CNTNAP3: variants seen among roughly 807,000 people sequenced by gnomAD.
CNTNAP3 encodes contactin associated protein family member 3, also known as contactin-associated protein-like 3.
Under a neutral mutation model 92.1 loss-of-function variants are expected in CNTNAP3, and 36 were observed. The ratio of observed to expected loss-of-function variants is 0.39; its 90% CI spans 0.30 to 0.52. CNTNAP3 has a LOEUF of 0.52. CNTNAP3 is among the 20% of genes least tolerant of loss of function. The probability of loss-of-function intolerance (pLI) is 0.76; values close to 1 mark genes in which losing one functional copy is unlikely to be tolerated. For missense variants in CNTNAP3, 534 were observed against 1,069.6 expected (o/e 0.50, Z 6.98); for synonymous variants, 232 against 422.3 (o/e 0.55, Z 5.53).
intron 4 of CNTNAP3, among the ~76,000 whole-genome samples, chr9:39,184,075 G>A (rs1488926087): frequency 1.4e-5 from 2 of 145,020 alleles, no homozygotes; most frequent in African/African-American, 2.8e-5. Context: ...TGAAATACAC[G>A]CATGCTGTTG....
chr9:39,068,321 C>A lies in CNTNAP3; in HGVS notation c.*5569G>T, dbSNP rs1176268998. Among the ~76,000 whole-genome samples the A allele has an allele frequency of 6.6e-6, 1 of 152,274 alleles. No individual in the cohort carries two copies. The highest frequency in any genetic ancestry group is 2.4e-5 in the African/African-American group (1 of 41,480). The stretch of plus-strand genomic sequence containing the variant: ...GTCCCAGCTACTCGGGAGGCTGAGG[C>A]AGGAGAATGGCATGAACCCTGGAGG... On this transcript the variant is annotated 3_prime_UTR_variant, in exon 24 of 24. Transcript: ENST00000297668.
At chr9:39,280,232 GAC>G (rs1456244896) in intron 1 of CNTNAP3, among the ~76,000 whole-genome samples, 3 of 92,788 alleles carry the variant, frequency 3.2e-5, no homozygotes, top group Non-Finnish European at 7.1e-5. Context: ...CCAGCTCAAT[GAC>G]ACCCCCTTTT....
Position 39,140,436 on chromosome 9 carries a change from C to G in CNTNAP3, c.1876+83G>C. On this transcript the variant is annotated intron_variant, in intron 12 of 23. Transcript: ENST00000297668. ...TACTTAGCAAGTACACACTATCAAA[C>G]TGCATGTTTTAATAATGCTGCCAAC... The G allele has an allele frequency of 1.9e-6, 3 of 1,562,774 alleles. No homozygotes were observed. The South Asian group carries it at 3.6e-5, about 19-fold the overall frequency.
In CNTNAP3 at chr9:39,108,184, TAC is replaced by T. The variant is rs769396898; in HGVS notation, c.2365+974_2365+975del. On this transcript the variant is annotated intron_variant, in intron 15 of 23. Transcript: ENST00000297668. The stretch of plus-strand genomic sequence containing the variant: ...ACAATCCATCAGCCCAGGTGGATGC[TAC>T]ACACACAGTGGGTAGGTCTGCATCT... 1.2e-3 allele frequency among the ~76,000 whole-genome samples: 183 copies of T among 152,188 alleles called. 3 individuals are homozygous for T. Among genetic ancestry groups the T allele is most frequent in the Non-Finnish European group, 2.1e-3 (143 of 68,002 alleles).
chr9:39,105,237 C>G (rs1312297213), intron 15 of CNTNAP3, among the ~76,000 whole-genome samples: 5 of 152,114 alleles, frequency 3.3e-5, no homozygotes, highest in Non-Finnish European at 7.4e-5. Flanking sequence ...ACCATCCTGG[C>G]TAACATGGTG....
intron 9 of CNTNAP3, among the ~76,000 whole-genome samples, chr9:39,152,576 T>G (rs944015067): frequency 2.1e-5 from 3 of 143,736 alleles, no homozygotes; most frequent in African/African-American, 5.3e-5. Context: ...AATAAATATT[T>G]TCCAGTAATG....
In CNTNAP3 at chr9:39,100,164, A is replaced by C. The variant is rs539515895; in HGVS notation, c.2756-14T>G. On this transcript the variant is annotated splice_polypyrimidine_tract_variant and intron_variant, in intron 17 of 23. Transcript: ENST00000297668. Reference sequence around the variant, plus strand: ...TGGCCGTTCCACCTACAACGGAAACACTGCAAATAGAAATGTGTTCCTTGG... The same window carrying C: ...TGGCCGTTCCACCTACAACGGAAACCCTGCAAATAGAAATGTGTTCCTTGG... The C allele has an allele frequency of 6.4e-7, 1 of 1,560,228 alleles. No homozygotes were observed. The highest frequency in any genetic ancestry group is 8.7e-7 in the Non-Finnish European group (1 of 1,148,788).
At chr9:39,134,561 A>G (rs1190441801) in intron 12 of CNTNAP3, among the ~76,000 whole-genome samples, 3 of 152,170 alleles carry the variant, frequency 2.0e-5, no homozygotes, top group African/African-American at 7.2e-5. Flanking sequence ...AGTAGCTGGG[A>G]CTACAGGCAC....
chr9:39,113,999 CACAT>C (rs1178048851), intron 14 of CNTNAP3, among the ~76,000 whole-genome samples: 3 of 143,014 alleles, frequency 2.1e-5, no homozygotes, highest in South Asian at 2.2e-4. Flanking sequence ...TATACACACA[CACAT>C]ATATATACAC....
rs538523487 is a variant in CNTNAP3 at position 39,149,528 on chromosome 9, T to TTC, written c.1649+277_1649+278insGA. On this transcript the variant is annotated intron_variant, in intron 10 of 23. Transcript: ENST00000297668. ...CCACGCCTGGCTAATTTTTTTTTTTTTGTATTTTTAGTAGAGACGGGGTTT... is the reference window on the plus strand; with the variant it reads ...CCACGCCTGGCTAATTTTTTTTTTTTTCTGTATTTTTAGTAGAGACGGGGTTT... 3.7e-3 allele frequency among the ~76,000 whole-genome samples: 555 copies of TTC among 151,240 alleles called. 3 individuals carry two copies. Among genetic ancestry groups the TTC allele is most frequent in the African/African-American group, 0.013 (531 of 41,100 alleles).
intron 18 of CNTNAP3, among the ~76,000 whole-genome samples, chr9:39,093,667 A>G (rs936365139): frequency 6.6e-6 from 1 of 151,508 alleles, no homozygotes; most frequent in Non-Finnish European, 1.5e-5. Flanking sequence ...AATGTCTTCT[A>G]TGTCAATTAA....
intron 14 of CNTNAP3, among the ~76,000 whole-genome samples, chr9:39,113,758 T>C (rs1490014082): frequency 6.6e-6 from 1 of 151,936 alleles, no homozygotes; most frequent in Non-Finnish European, 1.5e-5. Flanking sequence ...AAATTTTTTA[T>C]ACTTATTCAA....
At chr9:39,127,823 TTTTTG>T (rs1472721684) in intron 13 of CNTNAP3, among the ~76,000 whole-genome samples, 17 of 152,202 alleles carry the variant, frequency 1.1e-4, no homozygotes, top group Middle Eastern at 3.4e-3. Context: ...TGGAGAATTC[TTTTTG>T]TTTTGTTTTG....
intron 13 of CNTNAP3, among the ~76,000 whole-genome samples, chr9:39,129,189 C>G (rs1821219356): frequency 6.6e-6 from 1 of 152,144 alleles, no homozygotes; most frequent in African/African-American, 2.4e-5. Context: ...CTTACTTAAA[C>G]AATCTTGAAA....
rs1470009053 is a variant in CNTNAP3, at chr9:39,071,115, A to G, written c.*2775T>C. On this transcript the variant is annotated 3_prime_UTR_variant, in exon 24 of 24. Coordinates refer to ENST00000297668, the MANE Select transcript of CNTNAP3 (RefSeq NM_033655.5). Reference sequence around the variant, plus strand: ...AAAACTGAGGGAGCAGGTTAAAAAAATCTTACATGTTAATACATGACTTAT... The same window carrying G: ...AAAACTGAGGGAGCAGGTTAAAAAAGTCTTACATGTTAATACATGACTTAT... Among the ~76,000 whole-genome samples, 12 of 152,190 alleles carry G rather than the reference A, an allele frequency of 7.9e-5. No individual in the cohort carries two copies. The highest frequency in any genetic ancestry group is 1.6e-4 in the Non-Finnish European group (11 of 67,998).
intron 14 of CNTNAP3, among the ~76,000 whole-genome samples, chr9:39,114,067 T>C (rs201949089): frequency 4.5e-4 from 64 of 143,768 alleles, no homozygotes; most frequent in East Asian, 3.7e-3. Context: ...TATATATATA[T>C]ACACACACAC....
At chr9:39,111,701 T>C (rs1276198471) in intron 14 of CNTNAP3, among the ~76,000 whole-genome samples, 1 of 152,146 alleles carries the variant, frequency 6.6e-6, no homozygotes, top group Non-Finnish European at 1.5e-5. Context: ...TGCAATTTAA[T>C]TATTTATGGA....
intron 18 of CNTNAP3, among the ~76,000 whole-genome samples, chr9:39,089,530 G>T (rs190829872): frequency 2.6e-4 from 39 of 152,126 alleles, no homozygotes; most frequent in African/African-American, 8.0e-4. Flanking sequence ...GAAAATTCAC[G>T]TGTAAGTTTT....
intron 12 of CNTNAP3, among the ~76,000 whole-genome samples, chr9:39,137,336 T>C (rs1390582667): frequency 6.6e-6 from 1 of 152,020 alleles, no homozygotes; most frequent in Non-Finnish European, 1.5e-5. Context: ...GTTTTTGATC[T>C]CTAGCACTCC....
Sources: gnomAD v4.1 joint callset for allele counts (sites outside exome capture counted in the v4.1 genomes callset) on GRCh38, gnomAD v4.1.1 for gene constraint, MANE v1.5 for transcripts, NCBI Gene and HGNC (gene_info 2026-07-23, HGNC 2026-07-21) for gene names.